Variants in COPZ2 observed in about 807,000 individuals in gnomAD.
COPZ2 encodes the protein coat protein complex I subunit zeta 2, also known as coatomer subunit zeta-2.
A neutral mutation model predicts 33.2 loss-of-function variants in COPZ2; 30 were observed. The ratio of observed to expected loss-of-function variants is 0.90; its 90% CI spans 0.68 to 1.23. The LOEUF is 1.23. Among genes scored for constraint, COPZ2 ranks in the 50% most tolerant of loss-of-function variants. The pLI is 0.00. For synonymous variants in COPZ2, 89 were observed against 102.6 expected (o/e 0.87, Z 0.80); for missense variants, 263 against 262.4 (o/e 1.00, Z -0.02).
At chr17:48,043,316 G>T in the COPZ2 span, among the ~76,000 whole-genome samples, 1 of 152,204 alleles carries the variant, frequency 6.6e-6, no homozygotes, top group Non-Finnish European at 1.5e-5. Context: ...GGTATAGCTT[G>T]AAGGGGAGAC....
upstream of COPZ2, among the ~76,000 whole-genome samples, chr17:48,042,902 A>G (rs1314659984): frequency 3.9e-5 from 6 of 152,188 alleles, no homozygotes; most frequent in Non-Finnish European, 8.8e-5. Context: ...CTTTCTCTCC[A>G]TGACAACCGC....
Position 48,032,759 on chromosome 17 carries a change from G to T in COPZ2, c.361-18C>A. 1 of 1,580,448 alleles carries T rather than the reference G, an allele frequency of 6.3e-7. No individual in the cohort carries two copies. The highest frequency in any genetic ancestry group is 1.2e-5 in the South Asian group (1 of 86,138). On this transcript the variant is annotated intron_variant, in intron 4 of 8. Coordinates refer to ENST00000621465, the MANE Select transcript of COPZ2 (RefSeq NM_016429.4). ...AGCATCAGCTGGGATGGGCAGATAC[G>T]GGAGGAGGAAAAGGAGAGTTTGAGA...
chr17:48,042,572 C>T (rs935822809), upstream of COPZ2, among the ~76,000 whole-genome samples: 3 of 152,216 alleles, frequency 2.0e-5, no homozygotes, highest in African/African-American at 7.2e-5. Flanking sequence ...AGCAATTCTC[C>T]TGCCTCAGCC....
At chr17:48,027,076 C>G (rs1334839277) in intron 8 of COPZ2, among the ~76,000 whole-genome samples, 4 of 152,242 alleles carry the variant, frequency 2.6e-5, no homozygotes, top group Non-Finnish European at 5.9e-5. Flanking sequence ...GATTGTCCCT[C>G]CAGCCACTCA....
upstream of COPZ2, among the ~76,000 whole-genome samples, chr17:48,042,225 C>G (rs1386659041): frequency 6.6e-6 from 1 of 151,936 alleles, no homozygotes; most frequent in Non-Finnish European, 1.5e-5. Flanking sequence ...TCTCCGCCTC[C>G]CAGGTTCAGG....
In COPZ2 at chr17:48,037,577, G is replaced by A; in HGVS notation, c.111+90C>T. 1 of 1,016,830 alleles carries A rather than the reference G, an allele frequency of 9.8e-7. No homozygotes were observed. The highest frequency in any genetic ancestry group is 1.2e-6 in the Non-Finnish European group (1 of 839,446). The allele number at this position is 1,016,830 out of a possible 1,614,324, so 63.0% of individuals were successfully genotyped here. ...CACAAAGTTCCCAGCCGCCGGGCGCGCGAGTTCTGAGTTGGCTGCTCCCCC... is the reference window on the plus strand; with the variant it reads ...CACAAAGTTCCCAGCCGCCGGGCGCACGAGTTCTGAGTTGGCTGCTCCCCC... On this transcript the variant is annotated intron_variant, in intron 1 of 8. Transcript: ENST00000621465. The surrounding 1 kb of genome is among the most constrained non-coding windows in gnomAD (Gnocchi z 5.6).
Position 48,037,046 on chromosome 17 carries a change from A to G in COPZ2, c.112-121T>C, listed in dbSNP as rs2036995091. The G allele has an allele frequency of 1.1e-6, 1 of 915,998 alleles. No homozygotes were observed. The highest frequency in any genetic ancestry group is 1.8e-6 in the Non-Finnish European group (1 of 554,364). The allele number at this position is 915,998 out of a possible 1,614,324, so 56.7% of individuals were successfully genotyped here. A position where few individuals can be genotyped will look rare whatever the true frequency, so the allele number is the denominator to read the frequency against. On this transcript the variant is annotated intron_variant, in intron 1 of 8. Coordinates refer to ENST00000621465, the MANE Select transcript of COPZ2 (RefSeq NM_016429.4). The surrounding 1 kb of genome is among the most constrained non-coding windows in gnomAD (Gnocchi z 5.6). ...CCAGCAACCCCAGTCCTCAAGGTCC[A>G]CAGCTGGTTCTGCCCAGCCCTGTGC... is the stretch of plus-strand genomic sequence containing the variant.
At chr17:48,031,906 C>T (rs1026445000) in intron 6 of COPZ2, 2 of 548,408 alleles carry the variant, frequency 3.6e-6, no homozygotes, top group Non-Finnish European at 3.3e-6. Flanking sequence ...GCCTATTCAA[C>T]AGTCTCCCAT....
At chr17:48,038,395 TCCA>T (rs912820214), upstream of COPZ2, among the ~76,000 whole-genome samples, 2 of 152,184 alleles carry the variant, frequency 1.3e-5, no homozygotes, top group African/African-American at 4.8e-5. Context: ...GCACAAATGC[TCCA>T]CCAATGACAT....
chr17:48,047,438 G>A, the COPZ2 span: 2 of 152,200 alleles, frequency 1.3e-5, no homozygotes, highest in Admixed American at 1.3e-4. Flanking sequence ...AGCTCCCCAA[G>A]TGATGCTGGG....
At chr17:48,043,749 T>C in the COPZ2 span, among the ~76,000 whole-genome samples, 1 of 152,202 alleles carries the variant, frequency 6.6e-6, no homozygotes, top group African/African-American at 2.4e-5. Context: ...AATATGTACA[T>C]TGTTATCTCC....
chr17:48,033,861 A>T lies in COPZ2; in HGVS notation c.268+2T>A, dbSNP rs1313670287. On this transcript the variant is annotated splice_donor_variant, in intron 3 of 8. Transcript: ENST00000621465. LOFTEE classifies it high-confidence loss of function. The stretch of plus-strand genomic sequence containing the variant: ...CTGCTGGAGGAAGAGGGGGACACTT[A>T]CTCTCAGTCCGGCTGGTCTTGTTGA... 6.2e-7 allele frequency: 1 copy of T among 1,602,104 alleles called. No homozygotes were observed. The highest frequency in any genetic ancestry group is 2.2e-5 in the East Asian group (1 of 44,772).
the COPZ2 span, among the ~76,000 whole-genome samples, chr17:48,043,233 C>T: frequency 6.6e-6 from 1 of 152,234 alleles, no homozygotes; most frequent in African/African-American, 2.4e-5. Context: ...TGAAGTAGTG[C>T]ACTCAGAATT....
At chr17:48,039,147 T>A (rs574673786), upstream of COPZ2, among the ~76,000 whole-genome samples, 4 of 152,100 alleles carry the variant, frequency 2.6e-5, no homozygotes, top group Admixed American at 6.5e-5. Flanking sequence ...GGTAATTTTT[T>A]ATTTTTTTAT....
chr17:48,029,457 T>C (rs2144294973), intron 6 of COPZ2: 1 of 495,802 alleles, frequency 2.0e-6, no homozygotes, highest in East Asian at 3.8e-5. Context: ...GATGATCAGG[T>C]TGTCAAAAGC....
intron 6 of COPZ2, among the ~76,000 whole-genome samples, chr17:48,030,807 G>C (rs956794173): frequency 6.6e-6 from 1 of 152,204 alleles, no homozygotes; most frequent in Non-Finnish European, 1.5e-5. Flanking sequence ...CAGCCATCCA[G>C]AGCCCTGCAT....
chr17:48,032,916 G>T, intron 4 of COPZ2, 175 bp from the exon 5 acceptor site: 1 of 620,764 alleles, frequency 1.6e-6, no homozygotes, highest in Non-Finnish European at 2.9e-6. Context: ...TGGGAAACTG[G>T]AGTTCTCCAC....
chr17:48,026,544 A>C lies in COPZ2; in HGVS notation c.586-69T>G, dbSNP rs1598254522. The C allele has an allele frequency of 4.2e-6, 5 of 1,185,998 alleles. No individual in the cohort carries two copies. The East Asian group carries it at 7.1e-5, about 17-fold the overall frequency. The allele number at this position is 1,185,998 out of a possible 1,614,324, so 73.5% of individuals were successfully genotyped here. On this transcript the variant is annotated intron_variant, in intron 8 of 8. Coordinates refer to ENST00000621465, the MANE Select transcript of COPZ2 (RefSeq NM_016429.4). ...AATGCCTCCATACACAGTCATGGGGAGGTCCACAGCCCACCTTGCCGAAGC... is the reference window on the plus strand; with the variant it reads ...AATGCCTCCATACACAGTCATGGGGCGGTCCACAGCCCACCTTGCCGAAGC...
intron 2 of COPZ2, among the ~76,000 whole-genome samples, chr17:48,036,266 G>A (rs2036981380): frequency 1.3e-5 from 2 of 152,132 alleles, no homozygotes; most frequent in Admixed American, 1.3e-4. Context: ...CTGTGAAATG[G>A]GAGAAGTGAA....
Sources: allele counts gnomAD v4.1 joint callset (sites outside exome capture counted in the v4.1 genomes callset), GRCh38; gene constraint gnomAD v4.1.1; non-coding constraint Gnocchi (gnomAD v3.1); transcripts MANE v1.5; gene names NCBI Gene and HGNC (gene_info 2026-07-23, HGNC 2026-07-21).